Variants in MTA3 observed in about 807,000 individuals in gnomAD.
The protein encoded by MTA3 is metastasis associated 1 family member 3, also known as metastasis-associated protein MTA3.
Under a neutral mutation model 83.5 loss-of-function variants are expected in MTA3, and 34 were observed. The observed-to-expected ratio is 0.41, with a 90% CI of 0.31 to 0.54. The LOEUF (loss-of-function observed/expected upper bound fraction) is 0.54. Ranked by LOEUF, MTA3 falls within the 20% of genes least tolerant of loss-of-function variation. MTA3 has a pLI of 0.33. For missense variants in MTA3, 761 were observed against 726.4 expected (o/e 1.05, Z -0.55); for synonymous variants, 303 against 252.7 (o/e 1.20, Z -1.89).
chr2:42,571,674 G>T (rs1271002702), intron 2 of MTA3, among the ~76,000 whole-genome samples: 2 of 152,216 alleles, frequency 1.3e-5, no homozygotes, highest in South Asian at 4.1e-4. Context: ...CTGGGCGGGT[G>T]CGGTGGCTCA....
intron 4 of MTA3, among the ~76,000 whole-genome samples, chr2:42,616,189 A>T (rs577050423): frequency 1.3e-5 from 2 of 152,022 alleles, no homozygotes; most frequent in South Asian, 4.1e-4. Flanking sequence ...CCTCCCGAAT[A>T]GCTGGGATTT....
chr2:42,566,639 T>A (rs1196679221), upstream of MTA3, among the ~76,000 whole-genome samples: 2 of 152,168 alleles, frequency 1.3e-5, no homozygotes, highest in Admixed American at 6.5e-5. Flanking sequence ...CCATTTATTG[T>A]GGTTAGCACA....
At chr2:42,607,717 G>A (rs1159494820) in intron 3 of MTA3, among the ~76,000 whole-genome samples, 2 of 152,014 alleles carry the variant, frequency 1.3e-5, no homozygotes, top group Admixed American at 6.6e-5. Context: ...ATCTCACACC[G>A]AGGTGGACAG....
intron 3 of MTA3, among the ~76,000 whole-genome samples, 167 bp from the exon 4 acceptor site, chr2:42,609,291 A>G (rs1683892109): frequency 6.6e-6 from 1 of 152,272 alleles, no homozygotes; most frequent in African/African-American, 2.4e-5. Flanking sequence ...TCAGCTTCCC[A>G]AAATGCTTAG....
In MTA3 at chr2:42,712,428, A is replaced by G. The variant is rs1424532705; in HGVS notation, c.1525+3332A>G. ...TCCTCTTGGCTTCTGAGTAGGTGGG[A>G]CTATGGGTGTGGCCCACCACACCGG... On this transcript the variant is annotated intron_variant, in intron 14 of 16. Transcript: ENST00000405094. Among the ~76,000 whole-genome samples, 3 of 152,178 alleles carry G rather than the reference A, an allele frequency of 2.0e-5. No individual in the cohort carries two copies. In the East Asian group the frequency reaches 5.8e-4, roughly 29 times the overall value.
chr2:42,651,588 G>A (rs1053054275), intron 6 of MTA3, among the ~76,000 whole-genome samples: 1 of 151,946 alleles, frequency 6.6e-6, no homozygotes, highest in Admixed American at 6.6e-5. Flanking sequence ...TTGAGGTCAG[G>A]AATTCGAGAC....
chr2:42,539,577 C>CTT (rs34577240), intron 2 of MTA3, among the ~76,000 whole-genome samples: 1,060 of 96,506 alleles, frequency 0.011, 9 homozygotes, highest in Middle Eastern at 0.024. Context: ...AATTGTAAAG[C>CTT]TTTTTTTTTT....
intron 3 of MTA3, among the ~76,000 whole-genome samples, chr2:42,588,600 C>G (rs2103922230): frequency 6.6e-6 from 1 of 152,202 alleles, no homozygotes; most frequent in East Asian, 1.9e-4. Context: ...CATTAGGGCC[C>G]TTTGCATTCT....
chr2:42,615,711 CTTTTTTTTT>C lies in MTA3; in HGVS notation c.317+6146_317+6154del, dbSNP rs35331224. 3.6e-3 allele frequency among the ~76,000 whole-genome samples: 213 copies of C among 59,808 alleles called. 2 individuals carry two copies. Among genetic ancestry groups the C allele is most frequent in the African/African-American group, 0.012 (179 of 14,660 alleles). 39.2% of individuals were successfully genotyped at this position (59,808 alleles called of 152,430 possible). On this transcript the variant is annotated intron_variant, in intron 4 of 16. Transcript: ENST00000405094. ...ACCACAGATACTTGAATAATCTCTT[CTTTTTTTTT>C]TTTTTTTTTTTTTTTTTTGAGACGG...
intron 3 of MTA3, among the ~76,000 whole-genome samples, chr2:42,588,967 C>T (rs1680659681): frequency 6.6e-6 from 1 of 152,086 alleles, no homozygotes; most frequent in South Asian, 2.1e-4. Context: ...TTCAGGGAAG[C>T]CTTAGTTTTG....
chr2:42,720,180 TTTTA>T (rs1367314119), intron 15 of MTA3, among the ~76,000 whole-genome samples: 1 of 144,668 alleles, frequency 6.9e-6, no homozygotes, highest in Non-Finnish European at 1.5e-5. Flanking sequence ...TATTTATTTA[TTTTA>T]TTTATTTATT....
intron 8 of MTA3, among the ~76,000 whole-genome samples, chr2:42,663,645 G>A (rs1473118337): frequency 1.3e-5 from 2 of 152,116 alleles, no homozygotes; most frequent in African/African-American, 4.8e-5. Context: ...AGTGCTTGTA[G>A]TTCCAACTAT....
chr2:42,682,428 C>CA lies in MTA3; in HGVS notation c.731dup (p.His244GlnfsTer4). On this transcript the variant is annotated frameshift_variant, in exon 9 of 17. Transcript: ENST00000405094. LOFTEE classifies it high-confidence loss of function. ...TCACGCTATGGATACATTGTATAGA[C>CA]ACAGCTATGATTTGAGCAGTGCCAT... 6.2e-7 allele frequency: 1 copy of CA among 1,609,494 alleles called. No individual in the cohort carries two copies.
chr2:42,698,528 T>C (rs900912871), intron 11 of MTA3: 1 of 152,170 alleles, frequency 6.6e-6, no homozygotes, highest in Non-Finnish European at 1.5e-5. Context: ...TTTCAGAGTT[T>C]GCTTATTCAT....
At chr2:42,517,092 T>G (rs1675179500) in intron 2 of MTA3, among the ~76,000 whole-genome samples, 1 of 151,714 alleles carries the variant, frequency 6.6e-6, no homozygotes, top group African/African-American at 2.4e-5. Context: ...AAACCCCATC[T>G]CTACTAAAAA....
chr2:42,635,047 A>G (rs1278282499), intron 4 of MTA3, among the ~76,000 whole-genome samples: 1 of 152,128 alleles, frequency 6.6e-6, no homozygotes, highest in Non-Finnish European at 1.5e-5. Flanking sequence ...TTATTCTCAT[A>G]TATCTAAAAA....
chr2:42,748,873 G>A (rs1041914883), intron 16 of MTA3, among the ~76,000 whole-genome samples: 2 of 152,202 alleles, frequency 1.3e-5, no homozygotes, highest in Non-Finnish European at 2.9e-5. Flanking sequence ...GGATCACTTC[G>A]ATTCTGTGGA....
intron 3 of MTA3, among the ~76,000 whole-genome samples, chr2:42,598,636 A>G (rs1477529116): frequency 6.6e-6 from 1 of 152,178 alleles, no homozygotes; most frequent in Non-Finnish European, 1.5e-5. Flanking sequence ...AGATAAATAT[A>G]CTGCATTTTG....
intron 14 of MTA3, among the ~76,000 whole-genome samples, chr2:42,711,917 GA>G (rs1323694230): frequency 6.6e-6 from 1 of 152,042 alleles, no homozygotes. Context: ...TGTACTTTCA[GA>G]TAAGGCTGAA....
Sources: gnomAD v4.1 joint callset for allele counts (sites outside exome capture counted in the v4.1 genomes callset) on GRCh38, gnomAD v4.1.1 for gene constraint, MANE v1.5 for transcripts, NCBI Gene and HGNC (gene_info 2026-07-23, HGNC 2026-07-21) for gene names.